Variants in PLA2G4A observed in about 807,000 individuals in gnomAD.
PLA2G4A encodes cytosolic phospholipase A2.
Under a neutral mutation model 81.9 loss-of-function variants are expected in PLA2G4A, and 40 were observed. The ratio of observed to expected loss-of-function variants is 0.49; its 90% CI spans 0.38 to 0.64. The LOEUF is 0.64. PLA2G4A is among the 30% of genes least tolerant of loss of function. The pLI, the probability that PLA2G4A is intolerant of heterozygous loss-of-function variation, is 0.00. For synonymous variants in PLA2G4A, 302 were observed against 296.9 expected (o/e 1.02, Z -0.18); for missense variants, 715 against 905.1 (o/e 0.79, Z 2.69).
intron 5 of PLA2G4A, among the ~76,000 whole-genome samples, chr1:186,896,840 CA>C (rs1490186418): frequency 6.6e-6 from 1 of 152,058 alleles, no homozygotes; most frequent in Non-Finnish European, 1.5e-5. Flanking sequence ...CTTTGAGCTG[CA>C]GGGGTAGTTG....
Position 186,946,885 on chromosome 1 carries a change from C to A in PLA2G4A, c.1188C>A (p.Ala396=), listed in dbSNP as rs139670416. 5.0e-4 allele frequency: 798 copies of A among 1,611,910 alleles called. 1 individual carries two copies. Among genetic ancestry groups the A allele is most frequent in the Non-Finnish European group, 6.1e-4 (718 of 1,178,300 alleles). Residue 396 remains alanine (A), a synonymous_variant, in exon 12 of 18, where the codon GCC becomes GCA. Transcript: ENST00000367466. ...LHFLMGVWGS[A]FSILFNRVLG... ...TTATTTTAGGTGTCTGGGGCAGTGC[C>A]TTTTCCATATTGTTCAACAGAGTTT...
intron 7 of PLA2G4A, among the ~76,000 whole-genome samples, chr1:186,913,148 T>A (rs568418221): frequency 6.6e-6 from 1 of 151,840 alleles, no homozygotes; most frequent in African/African-American, 2.4e-5. Flanking sequence ...AGGATCGTAC[T>A]TTCAATATTT....
At chr1:186,831,554 G>A (rs535013443) in intron 1 of PLA2G4A, among the ~76,000 whole-genome samples, 20 of 152,142 alleles carry the variant, frequency 1.3e-4, no homozygotes, top group Non-Finnish European at 1.6e-4. Flanking sequence ...TTGGATTGTG[G>A]GGTGTCTATA....
At chr1:186,972,950 C>T (rs1047839584) in intron 15 of PLA2G4A, among the ~76,000 whole-genome samples, 1 of 152,170 alleles carries the variant, frequency 6.6e-6, no homozygotes, top group Non-Finnish European at 1.5e-5. Flanking sequence ...AGAATCTCCA[C>T]ATATTATTCA....
At chr1:186,920,394 G>C (rs1655305501) in intron 7 of PLA2G4A, among the ~76,000 whole-genome samples, 1 of 152,152 alleles carries the variant, frequency 6.6e-6, no homozygotes, top group African/African-American at 2.4e-5. Flanking sequence ...CTGTTGCTCT[G>C]ATTATATCAA....
intron 2 of PLA2G4A, among the ~76,000 whole-genome samples, chr1:186,867,988 T>C (rs1471377848): frequency 6.6e-6 from 1 of 152,006 alleles, no homozygotes; most frequent in Non-Finnish European, 1.5e-5. Flanking sequence ...CTTGTTGATA[T>C]ATGGATTAAA....
chr1:186,865,898 T>C (rs561409137), intron 2 of PLA2G4A, among the ~76,000 whole-genome samples: 77 of 152,174 alleles, frequency 5.1e-4, no homozygotes, highest in Non-Finnish European at 3.4e-4. Flanking sequence ...TGAAAAATTG[T>C]CTTGGTTTTT....
intron 6 of PLA2G4A, among the ~76,000 whole-genome samples, chr1:186,909,265 C>T (rs550921318): frequency 6.6e-6 from 1 of 150,956 alleles, no homozygotes; most frequent in African/African-American, 2.4e-5. Context: ...TGAGCCACCG[C>T]GCCCGGCCTT....
At chr1:186,985,911 A>G (rs915831757) in intron 17 of PLA2G4A, among the ~76,000 whole-genome samples, 7 of 152,220 alleles carry the variant, frequency 4.6e-5, no homozygotes, top group Non-Finnish European at 8.8e-5. Context: ...ATTTAACATA[A>G]TGCCTTTTTG....
intron 7 of PLA2G4A, among the ~76,000 whole-genome samples, chr1:186,914,270 G>GT (rs11371525): frequency 0.96 from 145,373 of 151,692 alleles, 69,699 homozygotes; most frequent in East Asian, 1. Context: ...ATATATATAT[G>GT]TTTTTTTCTT....
At chr1:186,835,886 A>T (rs943583329) in intron 1 of PLA2G4A, among the ~76,000 whole-genome samples, 13 of 152,160 alleles carry the variant, frequency 8.5e-5, no homozygotes, top group Admixed American at 2.0e-4. Context: ...GCTTACTTAT[A>T]ATCTATTACT....
chr1:186,947,560 A>G (rs1025863913), intron 12 of PLA2G4A, among the ~76,000 whole-genome samples: 3 of 152,192 alleles, frequency 2.0e-5, no homozygotes, highest in African/African-American at 4.8e-5. Flanking sequence ...GTTTTCATTC[A>G]TTATAGGAAT....
chr1:186,883,467 G>A (rs1210391801), intron 3 of PLA2G4A, among the ~76,000 whole-genome samples: 26 of 152,092 alleles, frequency 1.7e-4, no homozygotes, highest in Admixed American at 1.7e-3. Flanking sequence ...TGTGATATGA[G>A]GGGTGCATAT....
chr1:186,907,143 T>C (rs967733425), intron 6 of PLA2G4A, 141 bp downstream of exon 6: 20 of 613,298 alleles, frequency 3.3e-5, no homozygotes, highest in Middle Eastern at 4.4e-4. Flanking sequence ...TTTTCTTTAG[T>C]TGTCTGTTAA....
intron 3 of PLA2G4A, among the ~76,000 whole-genome samples, chr1:186,875,492 T>C (rs1409222637): frequency 6.6e-6 from 1 of 152,046 alleles, no homozygotes; most frequent in Non-Finnish European, 1.5e-5. Flanking sequence ...CAAGAACATA[T>C]TTTTTATTGT....
intron 7 of PLA2G4A, among the ~76,000 whole-genome samples, chr1:186,923,801 CAG>C (rs1349588590): frequency 6.6e-6 from 1 of 152,230 alleles, no homozygotes; most frequent in Non-Finnish European, 1.5e-5. Flanking sequence ...CTTGCAATCT[CAG>C]AGTTTCCCTG....
intron 7 of PLA2G4A, among the ~76,000 whole-genome samples, chr1:186,931,517 CTATTATTATTATTATTAT>C (rs3060324): frequency 5.0e-4 from 73 of 144,964 alleles, no homozygotes; most frequent in Non-Finnish European, 8.7e-4. Context: ...AAAATGTTTG[CTATTATTATTATTATTAT>C]TATTATTATT....
intron 1 of PLA2G4A, among the ~76,000 whole-genome samples, chr1:186,851,969 T>G (rs142039517): frequency 6.6e-6 from 1 of 152,074 alleles, no homozygotes; most frequent in African/African-American, 2.4e-5. Flanking sequence ...GGATGAGGGA[T>G]GAGGGTAATA....
intron 7 of PLA2G4A, among the ~76,000 whole-genome samples, chr1:186,920,663 C>T (rs569855731): frequency 2.0e-5 from 3 of 152,302 alleles, no homozygotes; most frequent in South Asian, 4.1e-4. Flanking sequence ...TTACAGTAGG[C>T]GCATTGGTTA....
Sources: allele counts gnomAD v4.1 joint callset (sites outside exome capture counted in the v4.1 genomes callset), GRCh38; gene constraint gnomAD v4.1.1; transcripts MANE v1.5; gene names NCBI Gene and HGNC (gene_info 2026-07-23, HGNC 2026-07-21).